SLC17A1: variants seen among roughly 807,000 people sequenced by gnomAD.
SLC17A1 encodes solute carrier family 17 member 1.
A neutral mutation model predicts 53.5 loss-of-function variants in SLC17A1; 51 were observed. The observed-to-expected ratio is 0.95, with a 90% CI of 0.76 to 1.20. The LOEUF is 1.20. Among genes scored for constraint, SLC17A1 ranks in the 50% most tolerant of loss-of-function variants. The probability of loss-of-function intolerance (pLI) is 0.00; values close to 1 mark genes in which losing one functional copy is unlikely to be tolerated. For synonymous variants in SLC17A1, 179 were observed against 198.8 expected, an observed-to-expected ratio of 0.90 and a Z score of 0.84; for missense variants, 538 against 568.2, an observed-to-expected ratio of 0.95 and a Z score of 0.54.
intron 12 of SLC17A1, among the ~76,000 whole-genome samples, chr6:25,787,945 T>G (rs1445116056): frequency 6.6e-6 from 1 of 152,192 alleles, no homozygotes; most frequent in Non-Finnish European, 1.5e-5. Flanking sequence ...TCTTCTTGCT[T>G]GGTCACCCTG....
At chr6:25,733,741 T>C in the SLC17A1 span, among the ~76,000 whole-genome samples, 2 of 151,916 alleles carry the variant, frequency 1.3e-5, no homozygotes, top group Non-Finnish European at 2.9e-5. Context: ...AAGATACTAA[T>C]ATTTTAGTAT....
At chr6:25,821,832 T>C (rs924689157) in intron 3 of SLC17A1, among the ~76,000 whole-genome samples, 3 of 152,186 alleles carry the variant, frequency 2.0e-5, no homozygotes, top group African/African-American at 4.8e-5. Flanking sequence ...TGACTCTAAG[T>C]AAATCTTAGA....
chr6:25,819,896 C>G lies in SLC17A1; in HGVS notation c.227G>C (p.Ser76Thr). The G allele has an allele frequency of 6.2e-7, 1 of 1,611,176 alleles. No individual in the cohort carries two copies. Among genetic ancestry groups the G allele is most frequent in the Non-Finnish European group, 8.5e-7 (1 of 1,178,312 alleles). ...DNIKNPMYNW[S>T]PDIQGIILSS... The stretch of plus-strand genomic sequence containing the variant: ...CAAGATGATTCCCTGGATATCTGGG[C>G]TCCAATTATACATAGGGTTCTAAAA... Residue 76 changes from serine to threonine, a missense_variant, in exon 4 of 13, where the codon AGC becomes ACC. Transcript: ENST00000244527.
At chr6:25,815,481 ATTT>A (rs1764317705) in intron 6 of SLC17A1, among the ~76,000 whole-genome samples, 2 of 152,058 alleles carry the variant, frequency 1.3e-5, no homozygotes, top group African/African-American at 4.8e-5. Flanking sequence ...ACGAATTACT[ATTT>A]TTTAAAGCTT....
At chr6:25,771,767 A>G in the SLC17A1 span, among the ~76,000 whole-genome samples, 1 of 152,176 alleles carries the variant, frequency 6.6e-6, no homozygotes, top group Non-Finnish European at 1.5e-5. Flanking sequence ...TAATTAGAGT[A>G]GAGAATCAAC....
intron 11 of SLC17A1, among the ~76,000 whole-genome samples, chr6:25,799,311 A>G (rs1332482133): frequency 1.3e-5 from 2 of 152,136 alleles, no homozygotes; most frequent in Admixed American, 6.5e-5. Flanking sequence ...CAAATTTAAC[A>G]TACTTTCATC....
intron 12 of SLC17A1, among the ~76,000 whole-genome samples, chr6:25,789,265 C>T (rs1035274550): frequency 7.9e-5 from 12 of 151,720 alleles, no homozygotes. Context: ...TCCAACTGGC[C>T]AAAATTGAGA....
Position 25,798,882 on chromosome 6 carries a change from A to G in SLC17A1, c.1307T>C (p.Met436Thr). 2 of 1,605,666 alleles carry G rather than the reference A, an allele frequency of 1.2e-6. No individual in the cohort carries two copies. The highest frequency in any genetic ancestry group is 1.7e-5 in the Admixed American group (1 of 59,940). ...ESAWFKTFILMAAINVTGLIF... is the reference protein window; with the variant it reads ...ESAWFKTFILTAAINVTGLIF... ...TAGGCCAGTCACATTAATGGCTGCCATCAGGATGAAGGTTTTAAACCAGGC... is the reference window on the plus strand; with the variant it reads ...TAGGCCAGTCACATTAATGGCTGCCGTCAGGATGAAGGTTTTAAACCAGGC... Residue 436 changes from methionine (M) to threonine (T), a missense_variant, in exon 12 of 13, where the codon ATG becomes ACG. Coordinates refer to ENST00000244527, the MANE Select transcript of SLC17A1 (RefSeq NM_005074.5).
the SLC17A1 span, among the ~76,000 whole-genome samples, chr6:25,725,825 C>T: frequency 1.3e-5 from 2 of 152,100 alleles, no homozygotes; most frequent in South Asian, 2.1e-4. Context: ...CTTGAACGAC[C>T]CTCCCGCTCC....
intron 2 of SLC17A1, among the ~76,000 whole-genome samples, chr6:25,829,575 G>A (rs1463633413): frequency 1.3e-5 from 2 of 152,168 alleles, no homozygotes; most frequent in Non-Finnish European, 1.5e-5. Flanking sequence ...AGTCATTTAG[G>A]GGTATGCTTT....
downstream of SLC17A1, chr6:25,779,300 A>G (rs371648847): frequency 3.2e-5 from 46 of 1,428,018 alleles, 1 homozygote; most frequent in Admixed American, 1.4e-4. Context: ...GACCCTGACT[A>G]TGTAACGCTA....
At position 25,832,027 on chromosome 6, in the gene SLC17A1, GCT is replaced by G. The variant is rs1199423349; in HGVS notation, c.-86_-85del. 3 of 152,130 alleles carry G rather than the reference GCT, an allele frequency of 2.0e-5. No individual in the cohort carries two copies. Among genetic ancestry groups the G allele is most frequent in the Admixed American group, 1.3e-4 (2 of 15,268 alleles). The allele number at this position is 152,130 out of a possible 1,614,324, so 9.4% of individuals were successfully genotyped here. A position where few individuals can be genotyped will look rare whatever the true frequency, so the allele number is the denominator to read the frequency against. On this transcript the variant is annotated 5_prime_UTR_variant, in exon 1 of 13. Transcript: ENST00000244527. ...GGACAAAAAAGTGATTTCTTCTTCC[GCT>G]GTGAAGACTTTTCTCTCAACTTTAC...
At chr6:25,789,590 G>A (rs941940704) in intron 12 of SLC17A1, among the ~76,000 whole-genome samples, 2 of 152,026 alleles carry the variant, frequency 1.3e-5, no homozygotes, top group African/African-American at 4.8e-5. Flanking sequence ...ATATGACTCC[G>A]GTATAATGAC....
At chr6:25,779,869 T>C (rs565733221), downstream of SLC17A1, 3 of 152,316 alleles carry the variant, frequency 2.0e-5, no homozygotes, top group South Asian at 6.2e-4. Flanking sequence ...ATCTTTAACA[T>C]GTTAGTGAAC....
the SLC17A1 span, among the ~76,000 whole-genome samples, chr6:25,747,123 A>G: frequency 2.0e-5 from 3 of 152,354 alleles, no homozygotes; most frequent in Admixed American, 6.5e-5. Context: ...TGCCAGTATC[A>G]AAGTGGATCT....
chr6:25,807,586 G>T (rs908766142), intron 10 of SLC17A1, among the ~76,000 whole-genome samples: 6 of 151,958 alleles, frequency 3.9e-5, no homozygotes, highest in African/African-American at 1.2e-4. Flanking sequence ...TGCACCCAAT[G>T]TGTAGTATTT....
At chr6:25,764,712 A>T in the SLC17A1 span, among the ~76,000 whole-genome samples, 2 of 152,124 alleles carry the variant, frequency 1.3e-5, no homozygotes, top group African/African-American at 4.8e-5. Context: ...AGACCCCATG[A>T]GCCCCTCAAG....
intron 11 of SLC17A1, among the ~76,000 whole-genome samples, chr6:25,800,156 G>C (rs1247108467): frequency 6.6e-6 from 1 of 152,012 alleles, no homozygotes; most frequent in Non-Finnish European, 1.5e-5. Flanking sequence ...TCCTTTGTGA[G>C]TACAGATTTA....
chr6:25,808,508 T>C (rs1396998494), intron 10 of SLC17A1, among the ~76,000 whole-genome samples: 1 of 151,456 alleles, frequency 6.6e-6, no homozygotes, highest in Non-Finnish European at 1.5e-5. Flanking sequence ...AAAGAAGAAT[T>C]TTTTTTAAAA....
Sources: gnomAD v4.1 joint callset for allele counts (sites outside exome capture counted in the v4.1 genomes callset) on GRCh38, gnomAD v4.1.1 for gene constraint, MANE v1.5 for transcripts, NCBI Gene and HGNC (gene_info 2026-07-23, HGNC 2026-07-21) for gene names.